Variants in PRKG1 observed in about 807,000 individuals in gnomAD.
PRKG1 encodes protein kinase cGMP-dependent 1, also known as cGMP-dependent protein kinase 1.
PRKG1 carries 35 observed loss-of-function variants against 88.1 expected under a neutral mutation model. That is an observed-to-expected ratio of 0.40 (90% CI 0.30 to 0.53). PRKG1 has a LOEUF of 0.53. Among genes scored for constraint, PRKG1 ranks in the 20% least tolerant of loss-of-function variants. PRKG1 has a pLI of 0.59. For missense variants in PRKG1, 540 were observed against 839.8 expected (o/e 0.64, Z 4.41); for synonymous variants, 303 against 292.5 (o/e 1.04, Z -0.37).
chr10:51,537,791 C>T (rs1375121148), intron 3 of PRKG1, among the ~76,000 whole-genome samples: 1 of 151,630 alleles, frequency 6.6e-6, no homozygotes, highest in Non-Finnish European at 1.5e-5. Context: ...CTTATCTCCA[C>T]CCATGGGGAG....
At chr10:51,966,166 A>T (rs151030023) in intron 5 of PRKG1, among the ~76,000 whole-genome samples, 230 of 152,292 alleles carry the variant, frequency 1.5e-3, no homozygotes, top group African/African-American at 3.8e-3. Flanking sequence ...GAACCATTTC[A>T]TAGGTGTTTC....
intron 3 of PRKG1, among the ~76,000 whole-genome samples, chr10:51,495,173 C>A (rs1416844409): frequency 6.6e-6 from 1 of 152,118 alleles, no homozygotes; most frequent in East Asian, 1.9e-4. Context: ...TGGCTCACTG[C>A]AACCTCTGCC....
intron 5 of PRKG1, among the ~76,000 whole-genome samples, chr10:52,029,334 C>G (rs576423370): frequency 2.0e-5 from 3 of 152,226 alleles, no homozygotes; most frequent in Admixed American, 1.3e-4. Flanking sequence ...ATTCACAAAT[C>G]TCTCCACCAA....
chr10:51,489,101 C>T (rs1279473283), intron 3 of PRKG1, among the ~76,000 whole-genome samples: 1 of 152,120 alleles, frequency 6.6e-6, no homozygotes. Flanking sequence ...TCTTTCTAGG[C>T]ATTTTGCTAG....
At chr10:51,482,767 G>A (rs781554925) in intron 3 of PRKG1, among the ~76,000 whole-genome samples, 2 of 152,102 alleles carry the variant, frequency 1.3e-5, no homozygotes, top group Non-Finnish European at 2.9e-5. Flanking sequence ...TTAACAAGCA[G>A]CTTAACTTCT....
In PRKG1 at chr10:51,648,408, C is replaced by A. The variant is rs950909101; in HGVS notation, c.593-156177C>A. On this transcript the variant is annotated intron_variant, in intron 3 of 17. Coordinates refer to ENST00000373980, the MANE Select transcript of PRKG1 (RefSeq NM_006258.4). ...CATATGACACTGTATATTGCCTGCA[C>A]TGGTTGAAAATCATAATCAAGTAAG... Among the ~76,000 whole-genome samples, 45 of 152,250 alleles carry A rather than the reference C, an allele frequency of 3.0e-4. 1 individual carries two copies. The highest frequency in any genetic ancestry group is 1.1e-3 in the African/African-American group (45 of 41,548).
At chr10:51,698,614 A>G (rs1841373046) in intron 3 of PRKG1, 2 of 1,613,746 alleles carry the variant, frequency 1.2e-6, no homozygotes, top group Admixed American at 3.3e-5. Flanking sequence ...GAGGTATAGG[A>G]GCTCTAGGAT....
chr10:51,300,224 G>A (rs1840845998), intron 2 of PRKG1, among the ~76,000 whole-genome samples: 1 of 152,328 alleles, frequency 6.6e-6, no homozygotes, highest in South Asian at 2.1e-4. Flanking sequence ...GTGTGTTGGT[G>A]AATGAGGCAC....
chr10:52,250,860 C>T (rs1841152863), intron 9 of PRKG1, among the ~76,000 whole-genome samples: 1 of 152,068 alleles, frequency 6.6e-6, no homozygotes, highest in Admixed American at 6.6e-5. Context: ...AATAGCAGTC[C>T]ATGCTTCTCC....
intron 2 of PRKG1, among the ~76,000 whole-genome samples, chr10:51,155,415 T>C (rs1482972961): frequency 6.6e-6 from 1 of 152,046 alleles, no homozygotes; most frequent in African/African-American, 2.4e-5. Flanking sequence ...TACTGTGAGG[T>C]AAAGGCTAAT....
chr10:51,276,798 T>A (rs1564666640), intron 2 of PRKG1, among the ~76,000 whole-genome samples: 1 of 152,202 alleles, frequency 6.6e-6, no homozygotes, highest in Non-Finnish European at 1.5e-5. Context: ...CTTCGCCCAC[T>A]TTTTGATGGG....
At chr10:51,936,369 A>T (rs1842800458) in intron 5 of PRKG1, among the ~76,000 whole-genome samples, 1 of 152,104 alleles carries the variant, frequency 6.6e-6, no homozygotes, top group South Asian at 2.1e-4. Flanking sequence ...TCTTTCATAT[A>T]ATGCATAACT....
intron 3 of PRKG1, among the ~76,000 whole-genome samples, chr10:51,686,546 A>G (rs1840996002): frequency 6.6e-6 from 1 of 152,208 alleles, no homozygotes; most frequent in South Asian, 2.1e-4. Flanking sequence ...GTTTATCTGA[A>G]AATGATGACA....
At chr10:51,789,173 C>G (rs1465982460) in intron 3 of PRKG1, among the ~76,000 whole-genome samples, 2 of 152,294 alleles carry the variant, frequency 1.3e-5, no homozygotes, top group East Asian at 1.9e-4. Context: ...AAAGGACTTA[C>G]AGATGTAATA....
intron 2 of PRKG1, among the ~76,000 whole-genome samples, chr10:51,307,143 T>A (rs1003037158): frequency 1.3e-5 from 2 of 152,048 alleles, no homozygotes; most frequent in African/African-American, 4.8e-5. Flanking sequence ...GTTAATATAT[T>A]ATATATTATT....
At chr10:51,341,205 C>G (rs1564453810) in intron 2 of PRKG1, among the ~76,000 whole-genome samples, 1 of 152,078 alleles carries the variant, frequency 6.6e-6, no homozygotes, top group Non-Finnish European at 1.5e-5. Flanking sequence ...ATTTTATAAA[C>G]TATTACTTTT....
At chr10:52,191,036 G>A (rs77899319) in intron 9 of PRKG1, among the ~76,000 whole-genome samples, 3 of 152,094 alleles carry the variant, frequency 2.0e-5, no homozygotes, top group African/African-American at 7.2e-5. Flanking sequence ...CAAACACCTC[G>A]CTTTTAAAGT....
chr10:51,551,577 C>T (rs1280298106), intron 3 of PRKG1, among the ~76,000 whole-genome samples: 1 of 151,670 alleles, frequency 6.6e-6, no homozygotes, highest in Admixed American at 6.6e-5. Flanking sequence ...TTTCTATTTG[C>T]TGTGGCAGAT....
At chr10:52,020,880 G>T (rs1366860693) in intron 5 of PRKG1, among the ~76,000 whole-genome samples, 1 of 152,024 alleles carries the variant, frequency 6.6e-6, no homozygotes, top group Non-Finnish European at 1.5e-5. Context: ...CTTCTCCCTT[G>T]TTCCTGCATT....
Sources: gnomAD v4.1 joint callset for allele counts (sites outside exome capture counted in the v4.1 genomes callset) on GRCh38, gnomAD v4.1.1 for gene constraint, MANE v1.5 for transcripts, NCBI Gene and HGNC (gene_info 2026-07-23, HGNC 2026-07-21) for gene names.